Variants in ZNF577 observed in about 807,000 individuals in gnomAD.
ZNF577 encodes zinc finger protein 577.
Under a neutral mutation model 13.9 loss-of-function variants are expected in ZNF577, and 14 were observed. The observed-to-expected ratio is 1.00, with a 90% confidence interval of 0.66 to 1.57. The LOEUF (loss-of-function observed/expected upper bound fraction) is 1.57. Ranked by LOEUF, ZNF577 falls within the 40% of genes most tolerant of loss-of-function variation. The probability of loss-of-function intolerance (pLI) is 0.00; values close to 1 mark genes in which losing one functional copy is unlikely to be tolerated. For synonymous variants in ZNF577, 203 were observed against 202.9 expected (o/e 1.00, Z 0.00); for missense variants, 555 against 579.2 (o/e 0.96, Z 0.43).
intron 4 of ZNF577, 25 bp downstream of exon 4, chr19:51,878,364 T>C: frequency 1.2e-6 from 2 of 1,610,842 alleles, no homozygotes; most frequent in South Asian, 2.2e-5. Flanking sequence ...AAAGAAAAGG[T>C]AAGTGACGGC....
At chr19:51,851,522 A>G (rs1221363211) in intron 5 of ZNF577, among the ~76,000 whole-genome samples, 1 of 152,152 alleles carries the variant, frequency 6.6e-6, no homozygotes, top group Non-Finnish European at 1.5e-5. Context: ...TATTGCACCC[A>G]AACTTCTCTC....
At chr19:51,845,556 G>C (rs1011891164) in intron 5 of ZNF577, among the ~76,000 whole-genome samples, 2 of 151,410 alleles carry the variant, frequency 1.3e-5, no homozygotes, top group African/African-American at 4.8e-5. Flanking sequence ...TTGTACAATA[G>C]ATCTCTTAAA....
chr19:51,841,177 C>T (rs936095733), intron 8 of ZNF577, among the ~76,000 whole-genome samples: 9 of 152,174 alleles, frequency 5.9e-5, no homozygotes, highest in South Asian at 2.1e-4. Flanking sequence ...CCACTTTCCG[C>T]GGGAATCGCC....
intron 6 of ZNF577, among the ~76,000 whole-genome samples, chr19:51,844,220 A>G (rs1300431931): frequency 1.3e-5 from 2 of 152,130 alleles, no homozygotes; most frequent in Non-Finnish European, 2.9e-5. Flanking sequence ...CTGCACAATA[A>G]CCCTTGTTTA....
chr19:51,879,384 A>G (rs1021624491), intron 3 of ZNF577, among the ~76,000 whole-genome samples: 5 of 152,140 alleles, frequency 3.3e-5, no homozygotes, highest in Admixed American at 3.3e-4. Context: ...CCTGGCCAAC[A>G]TGGTGAAACC....
intron 6 of ZNF577, among the ~76,000 whole-genome samples, chr19:51,844,050 CTT>C (rs34391853): frequency 0.064 from 8,071 of 126,978 alleles, 378 homozygotes; most frequent in South Asian, 0.23. Context: ...AGCCACTACA[CTT>C]TTTTTTTTTT....
In ZNF577 at chr19:51,878,411, G is replaced by C. The variant is rs189653095; in HGVS notation, c.165C>G (p.Asn55Lys). The change falls in exon 4 of 6, where the codon AAC (asparagine) becomes AAG (lysine). Residue 55 changes from asparagine to lysine, a missense_variant. By Grantham distance (94) the Asn-to-Lys change is moderately conservative (BLOSUM62 0). Transcript: ENST00000638348. The part of the protein sequence containing the change: ...KVLYKEVMLE[N>K]YINLVSIGYR... ...TACCTATTGATACTAGGTTGATGTA[G>C]TTCTCCAACATTACTTCCTTGTACA... 1.3e-4 allele frequency: 202 copies of C among 1,614,092 alleles called. 1 individual carries two copies. The South Asian group carries it at 1.4e-3, about 11-fold the overall frequency.
intron 10 of ZNF577, among the ~76,000 whole-genome samples, chr19:51,806,139 C>T (rs1283005422): frequency 1.3e-5 from 2 of 152,168 alleles, no homozygotes; most frequent in Admixed American, 6.5e-5. Context: ...AAGACTGTGT[C>T]GTGACTCCAG....
Position 51,886,427 on chromosome 19 carries a change from A to G in ZNF577, c.-219+394T>C, listed in dbSNP as rs556488217. ...TGGATTATTCCGAAGCTAATCCAAG[A>G]TATCTTTTCATTTTTTGATGCAAAA... On this transcript the variant is annotated intron_variant, in intron 1 of 5. Coordinates refer to ENST00000638348, the MANE Select transcript of ZNF577 (RefSeq NM_001370449.1). The G allele has an allele frequency of 2.0e-5, 3 of 152,338 alleles. No homozygotes were observed. The South Asian group carries it at 6.2e-4, about 32-fold the overall frequency. The allele number at this position is 152,338 out of a possible 1,614,324, so 9.4% of individuals were successfully genotyped here.
At chr19:51,877,528 G>A (rs1293187340) in intron 4 of ZNF577, 151 bp from the exon 5 acceptor site, 6 of 619,862 alleles carry the variant, frequency 9.7e-6, no homozygotes, top group African/African-American at 1.9e-5. Context: ...TCGTGCCAGG[G>A]AGGAAAATAA....
intron 9 of ZNF577, among the ~76,000 whole-genome samples, chr19:51,815,048 G>A (rs1003456729): frequency 9.2e-5 from 14 of 152,034 alleles, no homozygotes; most frequent in African/African-American, 3.1e-4. Flanking sequence ...GACCTCAAAT[G>A]ATCCGCCCAC....
intron 9 of ZNF577, among the ~76,000 whole-genome samples, chr19:51,828,133 C>T (rs1026420161): frequency 6.6e-6 from 1 of 152,046 alleles, no homozygotes; most frequent in Non-Finnish European, 1.5e-5. Context: ...TTTGGGAGGC[C>T]GAGGTGAGTG....
In ZNF577 at chr19:51,872,831, C is replaced by T. The variant is rs2084682397; in HGVS notation, c.1159G>A (p.Val387Met). Residue 387 changes from valine to methionine, a missense_variant, in exon 6 of 6, where the codon GTG (valine) becomes ATG (methionine). Physicochemically the swap from Val to Met is conservative, Grantham distance 21. Transcript: ENST00000638348. ...IRETAINSLT[V>M]EKPSSRSHTS... ...TGACTCCTTGAGGAAGGTTTCTCCACCGTCAGTGAATTTATGGCTGTCTCT... is the reference window on the plus strand; with the variant it reads ...TGACTCCTTGAGGAAGGTTTCTCCATCGTCAGTGAATTTATGGCTGTCTCT... 6.2e-7 allele frequency: 1 copy of T among 1,614,200 alleles called. No individual in the cohort carries two copies. The highest frequency in any genetic ancestry group is 1.1e-5 in the South Asian group (1 of 91,090).
intron 1 of ZNF577, among the ~76,000 whole-genome samples, chr19:51,881,875 C>T (rs1364645491): frequency 6.6e-6 from 1 of 152,218 alleles, no homozygotes; most frequent in Non-Finnish European, 1.5e-5. Flanking sequence ...AACTCACACT[C>T]TGAGAACACC....
rs766397069 is a variant in ZNF577 at position 51,873,535 on chromosome 19, C to A, written c.455G>T (p.Cys152Phe). 2 of 1,614,082 alleles carry A rather than the reference C, an allele frequency of 1.2e-6. No individual in the cohort carries two copies. Among genetic ancestry groups the A allele is most frequent in the Non-Finnish European group, 1.7e-6 (2 of 1,180,042 alleles). Residue 152 changes from cysteine (C) to phenylalanine (F), a missense_variant, in exon 6 of 6, where the codon TGT (cysteine) becomes TTT (phenylalanine). Transcript: ENST00000638348. The part of the protein sequence containing the change: ...KSQLNDLQKI[C>F]AGGKPHECSV... ...GCATTCATGTGGTTTCCCTCCTGCACAAATTTTTTGTAGGTCATTGAGCTG... is the reference window on the plus strand; with the variant it reads ...GCATTCATGTGGTTTCCCTCCTGCAAAAATTTTTTGTAGGTCATTGAGCTG...
At chr19:51,816,714 C>T (rs1352812002) in intron 9 of ZNF577, among the ~76,000 whole-genome samples, 1 of 152,206 alleles carries the variant, frequency 6.6e-6, no homozygotes, top group African/African-American at 2.4e-5. Context: ...GCATTGGTAT[C>T]TGAAGTGAAG....
At chr19:51,838,322 T>C (rs779229620) in intron 9 of ZNF577, among the ~76,000 whole-genome samples, 1 of 151,240 alleles carries the variant, frequency 6.6e-6, no homozygotes, top group African/African-American at 2.4e-5. Context: ...ATTAGGCAAA[T>C]ACACGATTGA....
At chr19:51,839,954 C>T (rs1256205379) in exon 9 of ZNF577, 1 of 152,248 alleles carries the variant, frequency 6.6e-6, no homozygotes, top group Non-Finnish European at 1.5e-5. Flanking sequence ...AACCTCTTCA[C>T]TCACTGCCGT....
chr19:51,845,060 T>C (rs1206960013), intron 5 of ZNF577: 2 of 152,234 alleles, frequency 1.3e-5, no homozygotes, highest in Admixed American at 6.5e-5. Context: ...TATGTATTTA[T>C]CAGTACAATA....
Sources: gnomAD v4.1 joint callset for allele counts (sites outside exome capture counted in the v4.1 genomes callset) on GRCh38, gnomAD v4.1.1 for gene constraint, MANE v1.5 for transcripts, NCBI Gene and HGNC (gene_info 2026-07-23, HGNC 2026-07-21) for gene names.